Variants in ENTREP2 observed in about 807,000 individuals in gnomAD.
ENTREP2 encodes the protein protein ENTREP2.
At chr15:29,478,024 T>TTATATATATATATATATA in the ENTREP2 span, among the ~76,000 whole-genome samples, 77 of 120,028 alleles carry the variant, frequency 6.4e-4, no homozygotes, top group African/African-American at 2.8e-3. Context: ...TATATATTTT[T>TTATATATATATATATATA]TTTTTTTTTT....
chr15:29,207,910 TC>T, the ENTREP2 span, among the ~76,000 whole-genome samples: 1,429 of 151,860 alleles, frequency 9.4e-3, 9 homozygotes, highest in African/African-American at 0.018. Flanking sequence ...CACTGAGGGA[TC>T]CCCCCAGCCT....
the ENTREP2 span, among the ~76,000 whole-genome samples, chr15:29,476,264 A>T: frequency 6.6e-6 from 1 of 152,296 alleles, no homozygotes. Flanking sequence ...GTATTTTATT[A>T]TATGTTTATT....
chr15:29,552,025 TA>T, the ENTREP2 span, among the ~76,000 whole-genome samples: 15 of 152,154 alleles, frequency 9.9e-5, no homozygotes, highest in East Asian at 7.7e-4. Context: ...TTACAGATGG[TA>T]AATGCTTAAA....
chr15:29,211,614 T>C, the ENTREP2 span, among the ~76,000 whole-genome samples: 1 of 152,238 alleles, frequency 6.6e-6, no homozygotes, highest in Non-Finnish European at 1.5e-5. Context: ...GGCTGCGGGT[T>C]TGTCATAGAT....
chr15:29,275,896 G>GTTC, the ENTREP2 span, among the ~76,000 whole-genome samples: 1 of 152,184 alleles, frequency 6.6e-6, no homozygotes, highest in African/African-American at 2.4e-5. Context: ...TCCAGTGGAA[G>GTTC]AAAGTGGGCC....
At chr15:29,340,095 G>A in the ENTREP2 span, among the ~76,000 whole-genome samples, 1 of 152,206 alleles carries the variant, frequency 6.6e-6, no homozygotes, top group Non-Finnish European at 1.5e-5. Context: ...CCAAGTTGCT[G>A]CAAGATAAAA....
the ENTREP2 span, among the ~76,000 whole-genome samples, chr15:29,479,131 C>T: frequency 0.48 from 69,805 of 145,488 alleles, 17,345 homozygotes; most frequent in African/African-American, 0.62. Flanking sequence ...GGCGTGAACC[C>T]GGGAGGTGGA....
At chr15:29,534,473 T>C in the ENTREP2 span, among the ~76,000 whole-genome samples, 1 of 151,828 alleles carries the variant, frequency 6.6e-6, no homozygotes. Flanking sequence ...AAAAAAAGGG[T>C]TGCTTTAGCA....
chr15:29,247,327 C>A, the ENTREP2 span, among the ~76,000 whole-genome samples: 4 of 152,098 alleles, frequency 2.6e-5, no homozygotes, highest in Non-Finnish European at 5.9e-5. Context: ...GATGCCAATT[C>A]AAATCTCAAA....
At chr15:29,480,827 G>T in the ENTREP2 span, among the ~76,000 whole-genome samples, 3 of 152,170 alleles carry the variant, frequency 2.0e-5, no homozygotes, top group Non-Finnish European at 2.9e-5. Flanking sequence ...CTGCAGTTGG[G>T]GGGTGAGAGT....
At chr15:29,390,002 T>C in the ENTREP2 span, among the ~76,000 whole-genome samples, 17 of 151,032 alleles carry the variant, frequency 1.1e-4, no homozygotes, top group Non-Finnish European at 5.9e-5. Context: ...GAGAGGAGGC[T>C]TAACCCTAAT....
chr15:29,306,889 G>T, the ENTREP2 span, among the ~76,000 whole-genome samples: 2 of 151,226 alleles, frequency 1.3e-5, no homozygotes, highest in African/African-American at 2.4e-5. Flanking sequence ...GGGACTACAG[G>T]CGCATGCCAC....
the ENTREP2 span, among the ~76,000 whole-genome samples, chr15:29,253,808 G>C: frequency 6.6e-6 from 1 of 150,748 alleles, no homozygotes; most frequent in Non-Finnish European, 1.5e-5. Flanking sequence ...AATTTATTAG[G>C]GTTTCCAAAA....
At chr15:29,208,474 G>T in the ENTREP2 span, among the ~76,000 whole-genome samples, 1 of 152,304 alleles carries the variant, frequency 6.6e-6, no homozygotes, top group Non-Finnish European at 1.5e-5. Flanking sequence ...CTGCCCAGTG[G>T]CAGGGGAAGC....
At chr15:29,530,081 G>A in the ENTREP2 span, among the ~76,000 whole-genome samples, 2 of 152,236 alleles carry the variant, frequency 1.3e-5, no homozygotes, top group South Asian at 4.2e-4. Flanking sequence ...CTTGGTTGGG[G>A]TGGTCTTTCC....
the ENTREP2 span, among the ~76,000 whole-genome samples, chr15:29,380,691 T>A: frequency 2.0e-5 from 3 of 152,168 alleles, no homozygotes; most frequent in Non-Finnish European, 2.9e-5. Context: ...AAGTAACTCT[T>A]TTTATTTTAC....
At chr15:29,138,519 C>T in the ENTREP2 span, among the ~76,000 whole-genome samples, 1 of 151,612 alleles carries the variant, frequency 6.6e-6, no homozygotes, top group Non-Finnish European at 1.5e-5. Context: ...AGGGTGAGTG[C>T]GTGTGTGTCT....
chr15:29,228,920 T>C, the ENTREP2 span, among the ~76,000 whole-genome samples: 2 of 152,192 alleles, frequency 1.3e-5, no homozygotes, highest in African/African-American at 4.8e-5. Flanking sequence ...TCCTTAGCTA[T>C]CATCAGTCTG....
chr15:29,344,213 G>A, the ENTREP2 span, among the ~76,000 whole-genome samples: 2 of 152,182 alleles, frequency 1.3e-5, no homozygotes, highest in African/African-American at 4.8e-5. Context: ...CAGGGAACAG[G>A]TGCCACCTCC....
Sources: gnomAD v4.1 joint callset for allele counts (sites outside exome capture counted in the v4.1 genomes callset) on GRCh38, gnomAD v4.1.1 for gene constraint, MANE v1.5 for transcripts, NCBI Gene and HGNC (gene_info 2026-07-23, HGNC 2026-07-21) for gene names.